IGSF10: variants seen among roughly 807,000 people sequenced by gnomAD.
IGSF10 encodes calvaria mechanical force protein 608.
IGSF10 carries 126 observed loss-of-function variants against 128.2 expected under a neutral mutation model. The observed-to-expected ratio is 0.98, with a 90% confidence interval of 0.85 to 1.14. The LOEUF is 1.14. IGSF10 is among the 50% of genes most tolerant of loss of function. The pLI is 0.00. For synonymous variants in IGSF10, 1,185 were observed against 1,146.2 expected (o/e 1.03, Z -0.68); for missense variants, 3,295 against 3,149.8 (o/e 1.05, Z -1.10).
At position 151,443,083 on chromosome 3, in the gene IGSF10, A is replaced by G. The variant is rs777017895; in HGVS notation, c.5864T>C (p.Phe1955Ser). ...AASQKRTEVN[F>S]GDKLLLNCSA... ...GCAGTTCAGTAGTAATTTGTCCCCA[A>G]AATTCACTTCAGTCCTTTTCTGGGA... The change falls in exon 7 of 8, where the codon TTT becomes TCT. Residue 1955 changes from phenylalanine (F) to serine (S), a missense_variant. Phe to Ser is a radical substitution (Grantham distance 155). Transcript: ENST00000282466. The G allele has an allele frequency of 8.1e-6, 13 of 1,614,024 alleles. No individual in the cohort carries two copies. Among genetic ancestry groups the G allele is most frequent in the Non-Finnish European group, 3.4e-6 (4 of 1,180,036 alleles).
At chr3:151,492,362 T>A in the IGSF10 span, among the ~76,000 whole-genome samples, 8 of 152,168 alleles carry the variant, frequency 5.3e-5, no homozygotes, top group African/African-American at 9.7e-5. Flanking sequence ...ATCATAAATG[T>A]TGGCGAGGAT....
the IGSF10 span, among the ~76,000 whole-genome samples, chr3:151,597,479 T>C: frequency 6.6e-6 from 1 of 152,226 alleles, no homozygotes; most frequent in Non-Finnish European, 1.5e-5. Context: ...GGCCTGGTTT[T>C]GGCAAAAGCC....
the IGSF10 span, among the ~76,000 whole-genome samples, chr3:151,528,927 TGG>T: frequency 0.45 from 67,293 of 151,042 alleles, 15,317 homozygotes; most frequent in South Asian, 0.55. Context: ...CCCACCCCCA[TGG>T]AGCCCAGCAA....
At chr3:151,613,822 A>T in the IGSF10 span, among the ~76,000 whole-genome samples, 1 of 152,168 alleles carries the variant, frequency 6.6e-6, no homozygotes, top group Non-Finnish European at 1.5e-5. Flanking sequence ...AAAATTGACA[A>T]ATGGGATCTA....
the IGSF10 span, among the ~76,000 whole-genome samples, chr3:151,609,642 T>C: frequency 2.0e-5 from 3 of 152,144 alleles, no homozygotes; most frequent in African/African-American, 2.4e-5. Flanking sequence ...ATATACACCA[T>C]TAAATACTGT....
At chr3:151,513,028 C>CAG in the IGSF10 span, among the ~76,000 whole-genome samples, 3 of 152,164 alleles carry the variant, frequency 2.0e-5, no homozygotes, top group African/African-American at 7.2e-5. Flanking sequence ...CGAATTCTAC[C>CAG]AGAGGTACAA....
the IGSF10 span, among the ~76,000 whole-genome samples, chr3:151,585,983 T>A: frequency 8.6e-5 from 9 of 105,048 alleles, no homozygotes; most frequent in African/African-American, 1.5e-4. Flanking sequence ...ACATTAACCA[T>A]TTTTTTTTTT....
At chr3:151,576,101 A>T in the IGSF10 span, among the ~76,000 whole-genome samples, 1 of 151,812 alleles carries the variant, frequency 6.6e-6, no homozygotes, top group East Asian at 1.9e-4. Context: ...TATTATTATT[A>T]GTTTATGTCT....
At chr3:151,514,449 C>A in the IGSF10 span, among the ~76,000 whole-genome samples, 2 of 152,166 alleles carry the variant, frequency 1.3e-5, no homozygotes, top group African/African-American at 4.8e-5. Flanking sequence ...CCCTTCTGTG[C>A]ACCTTATACA....
At chr3:151,582,296 G>GA in the IGSF10 span, among the ~76,000 whole-genome samples, 1 of 112,392 alleles carries the variant, frequency 8.9e-6, no homozygotes, top group African/African-American at 3.5e-5. Context: ...AATATCCGGG[G>GA]GGGGGGGCGG....
chr3:151,452,340 A>T lies in IGSF10; in HGVS notation c.715+1044T>A, dbSNP rs115623023. Among the ~76,000 whole-genome samples the T allele has an allele frequency of 3.7e-3, 559 of 152,330 alleles. 3 individuals are homozygous for T. The highest frequency in any genetic ancestry group is 0.013 in the African/African-American group (530 of 41,574). ...ACTACACACCTAGGCTATATGGTAA[A>T]GCCTACTGCTCCTAGGCTACAGACC... is the stretch of plus-strand genomic sequence containing the variant. On this transcript the variant is annotated intron_variant, in intron 5 of 7. Coordinates refer to ENST00000282466, the MANE Select transcript of IGSF10 (RefSeq NM_178822.5).
chr3:151,600,788 G>A, the IGSF10 span, among the ~76,000 whole-genome samples: 1 of 151,820 alleles, frequency 6.6e-6, no homozygotes, highest in Non-Finnish European at 1.5e-5. Context: ...TCAAATCTTT[G>A]CAAGACTGAT....
At position 151,457,130 on chromosome 3, in the gene IGSF10, C is replaced by T. The variant is rs1257944842; in HGVS notation, c.220G>A (p.Glu74Lys). 3 of 1,614,018 alleles carry T rather than the reference C, an allele frequency of 1.9e-6. No homozygotes were observed. The highest frequency in any genetic ancestry group is 2.5e-6 in the Non-Finnish European group (3 of 1,180,008). The change falls in exon 4 of 8, where the codon GAA becomes AAA. Residue 74 changes from glutamate to lysine, a missense_variant. Glu to Lys is a moderately conservative substitution (Grantham distance 56, BLOSUM62 1). Coordinates refer to ENST00000282466, the MANE Select transcript of IGSF10 (RefSeq NM_178822.5). The part of the protein sequence containing the change: ...LGYNSLVRLM[E>K]TDFSGLTKLE... Reference sequence around the variant, plus strand: ...TTGGTCAGGCCAGAAAAATCTGTTTCCATCAATCTAACCAAGCTGTTGTAT... The same window carrying T: ...TTGGTCAGGCCAGAAAAATCTGTTTTCATCAATCTAACCAAGCTGTTGTAT...
the IGSF10 span, among the ~76,000 whole-genome samples, chr3:151,582,417 C>T: frequency 6.6e-6 from 1 of 151,284 alleles, no homozygotes; most frequent in Admixed American, 6.6e-5. Flanking sequence ...TGATTATTTT[C>T]ACCAAGTTTA....
the IGSF10 span, among the ~76,000 whole-genome samples, chr3:151,563,032 A>T: frequency 2.0e-5 from 3 of 152,098 alleles, no homozygotes; most frequent in East Asian, 5.8e-4. Context: ...CCAGGGATTC[A>T]TATGTTCTTC....
rs770497448 is a variant in IGSF10 at position 151,436,751 on chromosome 3, T to C, written c.7810A>G (p.Lys2604Glu). Residue 2604 changes from lysine to glutamate, a missense_variant, in exon 8 of 8, where the codon AAA (lysine) becomes GAA (glutamate). Physicochemically the swap from Lys to Glu is moderately conservative, Grantham distance 56. Coordinates refer to ENST00000282466, the MANE Select transcript of IGSF10 (RefSeq NM_178822.5). ...CCAAGTGGGTTCTTTGCTGTGCATT[T>C]GTATATCCCAGAATCGGAGGTTTGG... is the stretch of plus-strand genomic sequence containing the variant. Reference protein sequence around the residue: ...NPQTSDSGIYKCTAKNPLGSD... With the variant: ...NPQTSDSGIYECTAKNPLGSD... 5 of 1,614,172 alleles carry C rather than the reference T, an allele frequency of 3.1e-6. No individual in the cohort carries two copies. The highest frequency in any genetic ancestry group is 1.7e-4 in the Middle Eastern group (1 of 6,060).
At chr3:151,496,556 G>GTGTATATGTGCCATA in the IGSF10 span, among the ~76,000 whole-genome samples, 615 of 34,640 alleles carry the variant, frequency 0.018, 143 homozygotes, top group African/African-American at 0.069. Context: ...GTATTCCATG[G>GTGTATATGTGCCATA]TTTCCTTAAT....
At chr3:151,564,493 T>C in the IGSF10 span, among the ~76,000 whole-genome samples, 1 of 152,124 alleles carries the variant, frequency 6.6e-6, no homozygotes, top group Non-Finnish European at 1.5e-5. Flanking sequence ...AATTGGGAAA[T>C]TGACCATGAA....
chr3:151,616,955 G>A, the IGSF10 span, among the ~76,000 whole-genome samples: 1 of 152,184 alleles, frequency 6.6e-6, no homozygotes, highest in African/African-American at 2.4e-5. Context: ...GGGTGGCACA[G>A]GACATCACAT....
Sources: gnomAD v4.1 joint callset for allele counts (sites outside exome capture counted in the v4.1 genomes callset) on GRCh38, gnomAD v4.1.1 for gene constraint, MANE v1.5 for transcripts, NCBI Gene and HGNC (gene_info 2026-07-23, HGNC 2026-07-21) for gene names.